Variants in POU6F2 observed in about 807,000 individuals in gnomAD.
POU6F2 encodes POU class 6 homeobox 2.
POU6F2 carries 31 observed loss-of-function variants against 71.3 expected under a neutral mutation model. That is an observed-to-expected ratio of 0.43 (90% CI 0.33 to 0.59). The LOEUF (loss-of-function observed/expected upper bound fraction) is 0.59. POU6F2 is among the 20% of genes least tolerant of loss of function. The probability of loss-of-function intolerance (pLI) is 0.04; values close to 1 mark genes in which losing one functional copy is unlikely to be tolerated. For synonymous variants in POU6F2, 347 were observed against 355.7 expected (o/e 0.98, Z 0.27); for missense variants, 783 against 856.8 (o/e 0.91, Z 1.07).
chr7:39,203,782 T>G (rs764766199), intron 2 of POU6F2, among the ~76,000 whole-genome samples: 10 of 152,132 alleles, frequency 6.6e-5, no homozygotes, highest in Non-Finnish European at 8.8e-5. Flanking sequence ...TGTCATAAGA[T>G]TCAGTGTTCA....
At chr7:39,390,250 G>T (rs1787039466) in intron 5 of POU6F2, among the ~76,000 whole-genome samples, 1 of 152,128 alleles carries the variant, frequency 6.6e-6, no homozygotes, top group South Asian at 2.1e-4. Context: ...ACCAAAATTA[G>T]CTGGGCATGG....
At chr7:39,032,949 A>T (rs1393317113) in intron 1 of POU6F2, among the ~76,000 whole-genome samples, 1 of 152,178 alleles carries the variant, frequency 6.6e-6, no homozygotes, top group Non-Finnish European at 1.5e-5. Flanking sequence ...TGGACTCCCT[A>T]GCTGTGAAAC....
At chr7:39,281,318 C>G (rs1784558992) in intron 4 of POU6F2, among the ~76,000 whole-genome samples, 1 of 152,092 alleles carries the variant, frequency 6.6e-6, no homozygotes, top group African/African-American at 2.4e-5. Context: ...TCAGAAGCCT[C>G]TCTTTTAGCT....
intron 5 of POU6F2, among the ~76,000 whole-genome samples, chr7:39,345,324 T>C (rs994757688): frequency 6.6e-6 from 1 of 152,208 alleles, no homozygotes; most frequent in Non-Finnish European, 1.5e-5. Context: ...GCTGTCTAAA[T>C]GATTTAGTTA....
At chr7:38,987,867 C>G (rs945156807) in intron 1 of POU6F2, among the ~76,000 whole-genome samples, 4 of 152,094 alleles carry the variant, frequency 2.6e-5, no homozygotes, top group African/African-American at 9.7e-5. Flanking sequence ...TCTTTCCCTA[C>G]ACAGACTTCC....
intron 1 of POU6F2, among the ~76,000 whole-genome samples, chr7:38,988,413 G>GC (rs1319404334): frequency 6.6e-6 from 1 of 151,910 alleles, no homozygotes; most frequent in African/African-American, 2.4e-5. Context: ...AACCCCTCCT[G>GC]CCCCCCGCCA....
intron 4 of POU6F2, among the ~76,000 whole-genome samples, chr7:39,306,495 C>A (rs1785051372): frequency 6.6e-6 from 1 of 152,206 alleles, no homozygotes; most frequent in South Asian, 2.1e-4. Context: ...CCCATGCTCT[C>A]CCAGCTACGC....
In POU6F2 at chr7:39,384,377, C is replaced by T. The variant is rs149169596; in HGVS notation, c.973-22223C>T. On this transcript the variant is annotated intron_variant, in intron 5 of 9. Coordinates refer to ENST00000518318, the MANE Select transcript of POU6F2 (RefSeq NM_001370959.1). The stretch of plus-strand genomic sequence containing the variant: ...AGTTTTTAAAAGTTTTAACAAAATG[C>T]ACTGCAACTCAAAGCACGCTCTTAT... 3.0e-4 allele frequency among the ~76,000 whole-genome samples: 45 copies of T among 152,236 alleles called. 1 individual carries two copies. In the East Asian group the frequency reaches 8.1e-3, roughly 27 times the overall value.
chr7:39,185,703 C>T (rs567512866), intron 2 of POU6F2, among the ~76,000 whole-genome samples: 1 of 151,856 alleles, frequency 6.6e-6, no homozygotes, highest in South Asian at 2.1e-4. Flanking sequence ...TTGTAGGCCC[C>T]AGAGGCTCAG....
intron 6 of POU6F2, among the ~76,000 whole-genome samples, chr7:39,407,043 A>T (rs1202868163): frequency 1.3e-5 from 2 of 152,142 alleles, no homozygotes; most frequent in Non-Finnish European, 2.9e-5. Context: ...TTTCAAAAAG[A>T]AAAAAGTTAC....
intron 2 of POU6F2, among the ~76,000 whole-genome samples, chr7:39,179,477 A>G (rs571333553): frequency 2.0e-4 from 30 of 152,362 alleles, no homozygotes; most frequent in Admixed American, 1.2e-3. Flanking sequence ...GCTAAGCCCA[A>G]TTGAATCTTT....
intron 1 of POU6F2, chr7:39,001,927 T>C (rs1395250547): frequency 6.6e-6 from 1 of 152,036 alleles, no homozygotes. Context: ...AGTGATGATG[T>C]GGTGGTGATA....
chr7:39,360,172 C>G (rs1786348504), intron 5 of POU6F2, among the ~76,000 whole-genome samples: 1 of 152,160 alleles, frequency 6.6e-6, no homozygotes, highest in South Asian at 2.1e-4. Context: ...ATTGCATTTT[C>G]AGATAGTATC....
Position 39,100,451 on chromosome 7 carries a change from CTGT to C in POU6F2, c.277+14435_277+14437del, listed in dbSNP as rs138138465. 5.9e-5 allele frequency among the ~76,000 whole-genome samples: 9 copies of C among 152,082 alleles called. No homozygotes were observed. In the South Asian group the frequency reaches 8.3e-4, roughly 14 times the overall value. On this transcript the variant is annotated intron_variant, in intron 2 of 9. Coordinates refer to ENST00000518318, the MANE Select transcript of POU6F2 (RefSeq NM_001370959.1). ...TCAGGATCAGTAAAAGAACATCTTTCTGTTGTTGTTGTTGTTGCCATGGCAACC... is the reference window on the plus strand; with the variant it reads ...TCAGGATCAGTAAAAGAACATCTTTCTGTTGTTGTTGTTGCCATGGCAACC...
chr7:39,129,859 T>C (rs4484588), intron 2 of POU6F2, among the ~76,000 whole-genome samples: 150,541 of 152,098 alleles, frequency 0.99, 74,504 homozygotes, highest in East Asian at 1. Flanking sequence ...GTCAGGAGAT[T>C]GAAACCATCC....
chr7:38,991,760 G>A (rs1562657485), intron 1 of POU6F2, among the ~76,000 whole-genome samples: 1 of 151,924 alleles, frequency 6.6e-6, no homozygotes, highest in Non-Finnish European at 1.5e-5. Flanking sequence ...CCAAGCAAAG[G>A]GGCTTGAATA....
chr7:39,161,536 G>A (rs1450577087), intron 2 of POU6F2, among the ~76,000 whole-genome samples: 1 of 152,158 alleles, frequency 6.6e-6, no homozygotes, highest in Non-Finnish European at 1.5e-5. Context: ...TTGTTTTATA[G>A]ATGAGAAAAT....
chr7:39,175,286 T>C (rs986167740), intron 2 of POU6F2, among the ~76,000 whole-genome samples: 3 of 152,226 alleles, frequency 2.0e-5, no homozygotes, highest in African/African-American at 7.2e-5. Flanking sequence ...CTAGACACTT[T>C]CATTCAGACA....
intron 4 of POU6F2, among the ~76,000 whole-genome samples, chr7:39,309,535 C>G (rs1394517245): frequency 6.6e-6 from 1 of 152,218 alleles, no homozygotes; most frequent in Non-Finnish European, 1.5e-5. Context: ...AAGGAGATTG[C>G]TAGCTCTAGA....
Sources: gnomAD v4.1 joint callset for allele counts (sites outside exome capture counted in the v4.1 genomes callset) on GRCh38, gnomAD v4.1.1 for gene constraint, MANE v1.5 for transcripts, NCBI Gene and HGNC (gene_info 2026-07-23, HGNC 2026-07-21) for gene names.